Variants in MED1 observed in about 807,000 individuals in gnomAD.
MED1 encodes the protein mediator of RNA polymerase II transcription subunit 1.
MED1 carries 17 observed loss-of-function variants against 121.3 expected under a neutral mutation model. That is an observed-to-expected ratio of 0.14 (90% confidence interval 0.10 to 0.21). The LOEUF (loss-of-function observed/expected upper bound fraction) is 0.21, where lower values mean the gene tolerates loss of function less well. Among genes scored for constraint, MED1 ranks in the 10% least tolerant of loss-of-function variants. The pLI is 1.00. For missense variants in MED1, 1,558 were observed against 1,919.4 expected (o/e 0.81, Z 3.52); for synonymous variants, 661 against 694.4 (o/e 0.95, Z 0.76).
chr17:39,447,771 C>A (rs1567655615), intron 2 of MED1, 27 bp downstream of exon 2: 21 of 1,520,360 alleles, frequency 1.4e-5, no homozygotes, highest in Non-Finnish European at 1.5e-5. Flanking sequence ...AAGCAAAACA[C>A]TTTACCCACT....
At position 39,427,578 on chromosome 17, in the gene MED1, G is replaced by A; in HGVS notation, c.739+123C>T. The A allele has an allele frequency of 4.7e-6, 3 of 637,124 alleles. No homozygotes were observed. In the Admixed American group the frequency reaches 8.5e-5, roughly 18 times the overall value. The allele number at this position is 637,124 out of a possible 1,614,324, so 39.5% of individuals were successfully genotyped here. On this transcript the variant is annotated intron_variant, in intron 10 of 16. Transcript: ENST00000300651. ...GTGAACACACATATACGTGTGTGAG[G>A]TGTTGTGTGTATAAGGTGCAAATGG... is the stretch of plus-strand genomic sequence containing the variant.
chr17:39,432,746 C>G (rs1387083627), intron 7 of MED1, among the ~76,000 whole-genome samples: 3 of 147,416 alleles, frequency 2.0e-5, no homozygotes, highest in Admixed American at 1.4e-4. Context: ...GAGCGAGACT[C>G]TGTCTCCAAA....
rs1233500230 is a variant in MED1, at chr17:39,427,831, A to G, written c.650-41T>C. The stretch of plus-strand genomic sequence containing the variant: ...CTCATAACTGTATCTTTATCAGGTA[A>G]ATTACAAACACAGAAAAACATTAAC... On this transcript the variant is annotated intron_variant, in intron 9 of 16. Coordinates refer to ENST00000300651, the MANE Select transcript of MED1 (RefSeq NM_004774.4). 1.1e-5 allele frequency: 14 copies of G among 1,217,626 alleles called. No homozygotes were observed. The East Asian group carries it at 2.8e-4, about 24-fold the overall frequency. 75.4% of individuals were successfully genotyped at this position (1,217,626 alleles called of 1,614,324 possible).
rs921872349 is a variant in MED1, at chr17:39,407,580, T to C, written c.4641A>G (p.Thr1547=). ...PISSDQSLSM[T]SNTILSADRP... The stretch of plus-strand genomic sequence containing the variant: ...TGTCTGCAGATAAGATTGTGTTACT[T>C]GTCATAGACAAGGACTGGTCTGAAG... The change falls in exon 17 of 17, where the codon ACA becomes ACG. Residue 1547 remains threonine (T), a synonymous_variant. Transcript: ENST00000300651. 6.2e-7 allele frequency: 1 copy of C among 1,614,032 alleles called. No homozygotes were observed. The highest frequency in any genetic ancestry group is 1.3e-5 in the African/African-American group (1 of 74,922).
At chr17:39,418,495 T>G (rs1310327730) in intron 14 of MED1, among the ~76,000 whole-genome samples, 1 of 151,546 alleles carries the variant, frequency 6.6e-6, no homozygotes, top group Non-Finnish European at 1.5e-5. Context: ...ATCATGCCAC[T>G]GTGGTTCAGT....
Position 39,405,488 on chromosome 17 carries a change from G to A in MED1, c.*1987C>T, listed in dbSNP as rs745813216. 10 of 1,399,446 alleles carry A rather than the reference G, an allele frequency of 7.1e-6. No individual in the cohort carries two copies. Among genetic ancestry groups the A allele is most frequent in the Non-Finnish European group, 8.3e-6 (9 of 1,078,306 alleles). The allele number at this position is 1,399,446 out of a possible 1,614,324, so 86.7% of individuals were successfully genotyped here. On this transcript the variant is annotated 3_prime_UTR_variant, in exon 17 of 17. Transcript: ENST00000300651. Reference sequence around the variant, plus strand: ...TTTTTTTTTTCCTGCAGAAACCAACGGGATAGGATTCAAAACTAGGTGACA... The same window carrying A: ...TTTTTTTTTTCCTGCAGAAACCAACAGGATAGGATTCAAAACTAGGTGACA...
intron 16 of MED1, among the ~76,000 whole-genome samples, chr17:39,411,532 G>C (rs561670287): frequency 1.3e-5 from 2 of 152,210 alleles, no homozygotes; most frequent in East Asian, 1.9e-4. Flanking sequence ...GTAGACAGGA[G>C]AATCACTTGA....
chr17:39,412,920 G>C (rs2048370570), intron 16 of MED1, among the ~76,000 whole-genome samples: 1 of 152,050 alleles, frequency 6.6e-6, no homozygotes, highest in Non-Finnish European at 1.5e-5. Flanking sequence ...ATATTAACTA[G>C]AAATCTGCCA....
In MED1 at chr17:39,407,681, G is replaced by C; in HGVS notation, c.4540C>G (p.Arg1514Gly). The C allele has an allele frequency of 6.2e-7, 1 of 1,613,926 alleles. No individual in the cohort carries two copies. Among genetic ancestry groups the C allele is most frequent in the Non-Finnish European group, 8.5e-7 (1 of 1,179,910 alleles). ...KKKVKDKDRD[R>G]DRDKDRDKKK... ...TTGTCTCGGTCTTTGTCCCGGTCTCGGTCCCTATCTTTGTCTTTTACTTTC... is the reference window on the plus strand; with the variant it reads ...TTGTCTCGGTCTTTGTCCCGGTCTCCGTCCCTATCTTTGTCTTTTACTTTC... The change falls in exon 17 of 17, where the codon CGA becomes GGA. Residue 1514 changes from arginine to glycine, a missense_variant. By Grantham distance (125) the Arg-to-Gly change is moderately radical. Around this residue, in one of 5 missense-constraint regions of MED1, gnomAD observed 264 missense variants for 326.1 expected, o/e 0.81. Coordinates refer to ENST00000300651, the MANE Select transcript of MED1 (RefSeq NM_004774.4).
Position 39,440,737 on chromosome 17 carries a change from T to A in MED1, c.212-60A>T. On this transcript the variant is annotated intron_variant, in intron 3 of 16. Coordinates refer to ENST00000300651, the MANE Select transcript of MED1 (RefSeq NM_004774.4). This position sits in a 1 kb window ranked among gnomAD's most constrained non-coding sequence, Gnocchi z 4.1. Reference sequence around the variant, plus strand: ...GCTCCAAATGACTTAAATGATATTCTTTTAAGACAGAAAGATTCATCCTTC... The same window carrying A: ...GCTCCAAATGACTTAAATGATATTCATTTAAGACAGAAAGATTCATCCTTC... 3 of 1,428,014 alleles carry A rather than the reference T, an allele frequency of 2.1e-6. No individual in the cohort carries two copies. The highest frequency in any genetic ancestry group is 2.9e-6 in the Non-Finnish European group (3 of 1,027,534). The allele number at this position is 1,428,014 out of a possible 1,614,324, so 88.5% of individuals were successfully genotyped here.
At chr17:39,432,288 A>G (rs1164365610) in intron 7 of MED1, among the ~76,000 whole-genome samples, 6 of 139,428 alleles carry the variant, frequency 4.3e-5, no homozygotes, top group African/African-American at 1.6e-4. Flanking sequence ...GGTTGCAGTG[A>G]GCCAAGATCA....
At chr17:39,424,032 G>A (rs187002998) in intron 11 of MED1, among the ~76,000 whole-genome samples, 33 of 152,058 alleles carry the variant, frequency 2.2e-4, no homozygotes, top group Non-Finnish European at 3.8e-4. Flanking sequence ...ACAGGTGCCC[G>A]CCACCACGCC....
At chr17:39,433,355 C>T (rs1403506493) in intron 7 of MED1, among the ~76,000 whole-genome samples, 2 of 148,016 alleles carry the variant, frequency 1.4e-5, no homozygotes, top group African/African-American at 2.5e-5. Context: ...GGTGACAGAG[C>T]GACAATCCGT....
At chr17:39,436,171 G>A (rs1040898756) in intron 6 of MED1, among the ~76,000 whole-genome samples, 2 of 151,722 alleles carry the variant, frequency 1.3e-5, no homozygotes, top group Non-Finnish European at 2.9e-5. Context: ...AACCATCCTG[G>A]CTAACACGAT....
intron 10 of MED1, among the ~76,000 whole-genome samples, chr17:39,425,143 G>T (rs1035845227): frequency 6.6e-6 from 1 of 151,970 alleles, no homozygotes; most frequent in African/African-American, 2.4e-5. Flanking sequence ...CCTCCCGAAG[G>T]ACTAGGATTA....
chr17:39,429,286 G>T (rs896021263), intron 9 of MED1, among the ~76,000 whole-genome samples: 1 of 152,064 alleles, frequency 6.6e-6, no homozygotes, highest in Non-Finnish European at 1.5e-5. Context: ...CAAGAGTTAA[G>T]GGCTGAAGTG....
chr17:39,406,524 T>G lies in MED1; in HGVS notation c.*951A>C. 2.0e-6 allele frequency: 2 copies of G among 985,152 alleles called. No homozygotes were observed. Among genetic ancestry groups the G allele is most frequent in the Non-Finnish European group, 2.4e-6 (2 of 829,896 alleles). 61.0% of individuals were successfully genotyped at this position (985,152 alleles called of 1,614,324 possible). A position where few individuals can be genotyped will look rare whatever the true frequency, so the allele number is the denominator to read the frequency against. ...GTCCTACACTAAACCTTACTGCATC[T>G]GAAAACATGTTTACATCCCAACAAG... On this transcript the variant is annotated 3_prime_UTR_variant, in exon 17 of 17. Transcript: ENST00000300651.
At position 39,405,668 on chromosome 17, in the gene MED1, C is replaced by A. The variant is rs1018663083; in HGVS notation, c.*1807G>T. 5.9e-6 allele frequency: 6 copies of A among 1,022,642 alleles called. No homozygotes were observed. Among genetic ancestry groups the A allele is most frequent in the Non-Finnish European group, 7.0e-6 (6 of 853,664 alleles). The allele number at this position is 1,022,642 out of a possible 1,614,324, so 63.3% of individuals were successfully genotyped here. On this transcript the variant is annotated 3_prime_UTR_variant, in exon 17 of 17. Coordinates refer to ENST00000300651, the MANE Select transcript of MED1 (RefSeq NM_004774.4). ...TGGTTAATTGATAACTTTTCTTGCT[C>A]CACTTTACAATGTTTTGTTTCCTAC...
At position 39,440,777 on chromosome 17, in the gene MED1, T is replaced by TGCTTGTA; in HGVS notation, c.212-101_212-100insTACAAGC. 6 of 1,127,874 alleles carry TGCTTGTA rather than the reference T, an allele frequency of 5.3e-6. No homozygotes were observed. The highest frequency in any genetic ancestry group is 7.9e-6 in the Non-Finnish European group (6 of 764,294). 69.9% of individuals were successfully genotyped at this position (1,127,874 alleles called of 1,614,324 possible). ...ATTCATCCTTCCAAAACCGTAAACA[T>TGCTTGTA]ATTCAGTAGTTCAAATGCTTGTAAT... On this transcript the variant is annotated intron_variant, in intron 3 of 16. Coordinates refer to ENST00000300651, the MANE Select transcript of MED1 (RefSeq NM_004774.4). The surrounding 1 kb of genome is among the most constrained non-coding windows in gnomAD (Gnocchi z 4.1).
Sources: gnomAD v4.1 joint callset for allele counts (sites outside exome capture counted in the v4.1 genomes callset) on GRCh38, gnomAD v4.1.1 for gene constraint, gnomAD v4.1.1 regional missense constraint, Gnocchi (gnomAD v3.1) non-coding constraint, MANE v1.5 for transcripts, NCBI Gene and HGNC (gene_info 2026-07-23, HGNC 2026-07-21) for gene names.